Variants in PTPRK observed in about 807,000 individuals in gnomAD.
The protein encoded by PTPRK is protein tyrosine phosphatase receptor type K, also known as receptor-type tyrosine-protein phosphatase kappa.
PTPRK carries 75 observed loss-of-function variants against 178.0 expected under a neutral mutation model. That is an observed-to-expected ratio of 0.42 (90% CI 0.35 to 0.51). PTPRK has a LOEUF of 0.51. Among genes scored for constraint, PTPRK ranks in the 20% least tolerant of loss-of-function variants. The probability of loss-of-function intolerance (pLI) is 0.02; values close to 1 mark genes in which losing one functional copy is unlikely to be tolerated. For synonymous variants in PTPRK, 637 were observed against 620.6 expected (o/e 1.03, Z -0.39); for missense variants, 1,441 against 1,797.8 (o/e 0.80, Z 3.59).
At chr6:128,199,835 C>G (rs1460708781) in intron 6 of PTPRK, among the ~76,000 whole-genome samples, 1 of 152,150 alleles carries the variant, frequency 6.6e-6, no homozygotes, top group Non-Finnish European at 1.5e-5. Flanking sequence ...CTTCAATGTA[C>G]CAGATCTTTT....
chr6:128,360,681 C>G (rs1294754018), intron 2 of PTPRK, among the ~76,000 whole-genome samples: 1 of 151,578 alleles, frequency 6.6e-6, no homozygotes, highest in Admixed American at 6.6e-5. Context: ...TGTGTGACTC[C>G]CTTCATGTTG....
Position 128,078,797 on chromosome 6 carries a change from A to G in PTPRK, c.1883+16T>C. 1 of 1,559,838 alleles carries G rather than the reference A, an allele frequency of 6.4e-7. No individual in the cohort carries two copies. Among genetic ancestry groups the G allele is most frequent in the East Asian group, 2.2e-5 (1 of 44,574 alleles). The stretch of plus-strand genomic sequence containing the variant: ...CCTGTGGATAAGGCAGAACTACTGT[A>G]GTTTTCTCCTCTTACCTGATAGGAG... On this transcript the variant is annotated intron_variant, in intron 11 of 29. Coordinates refer to ENST00000368226, the MANE Select transcript of PTPRK (RefSeq NM_002844.4).
intron 5 of PTPRK, among the ~76,000 whole-genome samples, chr6:128,229,914 T>C (rs1439072376): frequency 6.6e-6 from 1 of 152,160 alleles, no homozygotes; most frequent in Non-Finnish European, 1.5e-5. Flanking sequence ...GGTAACCAAA[T>C]AGTAGATTAG....
rs1184502498 is a variant in PTPRK at position 128,393,817 on chromosome 6, T to C, written c.223+3749A>G. Among the ~76,000 whole-genome samples the C allele has an allele frequency of 2.6e-5, 4 of 152,296 alleles. No homozygotes were observed. In the East Asian group the frequency reaches 7.7e-4, roughly 29 times the overall value. On this transcript the variant is annotated intron_variant, in intron 2 of 29. Coordinates refer to ENST00000368226, the MANE Select transcript of PTPRK (RefSeq NM_002844.4). The stretch of plus-strand genomic sequence containing the variant: ...TTTTAGTTTCCCAGCCTTGTGTGCA[T>C]TGGTTTTTATTTTTTTCAATTTACA...
chr6:128,060,815 T>C (rs979921051), intron 13 of PTPRK, among the ~76,000 whole-genome samples: 2 of 152,284 alleles, frequency 1.3e-5, no homozygotes, highest in Admixed American at 6.5e-5. Context: ...TATTAGAATA[T>C]GAAATATATA....
At chr6:128,449,967 G>T (rs1847562053) in intron 1 of PTPRK, among the ~76,000 whole-genome samples, 1 of 150,946 alleles carries the variant, frequency 6.6e-6, no homozygotes, top group South Asian at 2.1e-4. Context: ...AAATTGCCAG[G>T]CATAATGGCA....
At chr6:128,091,184 A>G (rs994395883) in intron 7 of PTPRK, among the ~76,000 whole-genome samples, 1 of 152,200 alleles carries the variant, frequency 6.6e-6, no homozygotes, top group African/African-American at 2.4e-5. Flanking sequence ...TCTTCGGTAG[A>G]ATCTAATGCT....
At chr6:128,108,445 A>G (rs964892103) in intron 7 of PTPRK, among the ~76,000 whole-genome samples, 1 of 152,176 alleles carries the variant, frequency 6.6e-6, no homozygotes, top group Non-Finnish European at 1.5e-5. Flanking sequence ...TAAGAACTCT[A>G]AATGGCAGAT....
chr6:128,045,029 C>G (rs997727695), intron 13 of PTPRK, among the ~76,000 whole-genome samples: 4 of 151,942 alleles, frequency 2.6e-5, no homozygotes, highest in African/African-American at 9.7e-5. Flanking sequence ...CTGTCTGTTA[C>G]AACTTTTCTG....
intron 1 of PTPRK, among the ~76,000 whole-genome samples, chr6:128,498,067 AC>A (rs1854996603): frequency 6.6e-6 from 1 of 152,212 alleles, no homozygotes. Context: ...AAGCAAAAAA[AC>A]AATTAATTTT....
intron 1 of PTPRK, among the ~76,000 whole-genome samples, chr6:128,440,362 T>A (rs1454946972): frequency 6.6e-6 from 1 of 152,162 alleles, no homozygotes; most frequent in African/African-American, 2.4e-5. Context: ...ATTGCTTAGA[T>A]CCTCTTTCTT....
At chr6:128,208,088 T>C (rs1302604141) in intron 6 of PTPRK, among the ~76,000 whole-genome samples, 1 of 152,048 alleles carries the variant, frequency 6.6e-6, no homozygotes, top group Non-Finnish European at 1.5e-5. Flanking sequence ...ATCTTTACCA[T>C]GCATCAACCA....
At chr6:128,165,036 AC>A (rs1295057693) in intron 7 of PTPRK, among the ~76,000 whole-genome samples, 1 of 151,318 alleles carries the variant, frequency 6.6e-6, no homozygotes, top group Admixed American at 6.6e-5. Context: ...TTGAAAGTTT[AC>A]ATGTTTGCAT....
intron 3 of PTPRK, chr6:128,321,616 T>C (rs1324895514): frequency 1.8e-6 from 1 of 567,088 alleles, no homozygotes; most frequent in Non-Finnish European, 3.1e-6. Context: ...TTCCCAAATG[T>C]TACTTTCAAA....
At chr6:128,131,030 T>C (rs1321134844) in intron 7 of PTPRK, among the ~76,000 whole-genome samples, 1 of 152,214 alleles carries the variant, frequency 6.6e-6, no homozygotes, top group African/African-American at 2.4e-5. Flanking sequence ...TTTGCTCTAC[T>C]TCTCAGACAC....
intron 2 of PTPRK, among the ~76,000 whole-genome samples, chr6:128,370,095 G>A (rs1562374778): frequency 6.6e-6 from 1 of 152,030 alleles, no homozygotes; most frequent in Non-Finnish European, 1.5e-5. Flanking sequence ...TTTACAGAAA[G>A]GACATATCAT....
At chr6:128,053,977 C>T (rs551928638) in intron 13 of PTPRK, among the ~76,000 whole-genome samples, 1 of 152,358 alleles carries the variant, frequency 6.6e-6, no homozygotes, top group South Asian at 2.1e-4. Context: ...ATCAATCTAA[C>T]ATATATGCTA....
intron 13 of PTPRK, among the ~76,000 whole-genome samples, chr6:128,054,099 T>C (rs976838728): frequency 5.9e-5 from 9 of 152,236 alleles, no homozygotes; most frequent in Non-Finnish European, 1.2e-4. Flanking sequence ...GAATTCAAGA[T>C]GCTGTCCAAT....
chr6:128,330,873 CAAAAA>C (rs1830175564), intron 2 of PTPRK, among the ~76,000 whole-genome samples: 1 of 144,910 alleles, frequency 6.9e-6, no homozygotes, highest in African/African-American at 2.7e-5. Flanking sequence ...AAAACAAAAA[CAAAAA>C]CAAAAACAAA....
Sources: gnomAD v4.1 joint callset for allele counts (sites outside exome capture counted in the v4.1 genomes callset) on GRCh38, gnomAD v4.1.1 for gene constraint, MANE v1.5 for transcripts, NCBI Gene and HGNC (gene_info 2026-07-23, HGNC 2026-07-21) for gene names.